Variants in SRGAP1 observed in about 807,000 individuals in gnomAD.
The protein encoded by SRGAP1 is SLIT-ROBO Rho GTPase-activating protein 1.
A neutral mutation model predicts 121.9 loss-of-function variants in SRGAP1; 43 were observed. The observed-to-expected ratio is 0.35, with a 90% CI of 0.28 to 0.46. The LOEUF (loss-of-function observed/expected upper bound fraction) is 0.46. Among genes scored for constraint, SRGAP1 ranks in the 20% least tolerant of loss-of-function variants. The pLI is 1.00. For missense variants in SRGAP1, 1,102 were observed against 1,350.9 expected, an observed-to-expected ratio of 0.82 and a Z score of 2.89; for synonymous variants, 447 against 485.4, an observed-to-expected ratio of 0.92 and a Z score of 1.04.
chr12:64,105,349 T>C (rs2136607205), intron 15 of SRGAP1, among the ~76,000 whole-genome samples: 1 of 152,346 alleles, frequency 6.6e-6, no homozygotes, highest in South Asian at 2.1e-4. Flanking sequence ...TTGGTTATTA[T>C]GAATAATGCT....
chr12:64,090,507 A>G (rs889950218), intron 11 of SRGAP1, among the ~76,000 whole-genome samples: 26 of 152,296 alleles, frequency 1.7e-4, no homozygotes, highest in African/African-American at 6.3e-4. Context: ...AAATTCCATT[A>G]CTGCTGGAGG....
chr12:63,977,060 A>G (rs2136399363), intron 1 of SRGAP1, among the ~76,000 whole-genome samples: 1 of 152,124 alleles, frequency 6.6e-6, no homozygotes, highest in East Asian at 1.9e-4. Context: ...ACTTTTATGG[A>G]ATTTTTGCCT....
intron 1 of SRGAP1, among the ~76,000 whole-genome samples, chr12:63,923,109 T>C (rs2031128128): frequency 6.6e-6 from 1 of 152,226 alleles, no homozygotes; most frequent in Non-Finnish European, 1.5e-5. Flanking sequence ...TGGTGACCAA[T>C]CCATAAACTA....
chr12:64,119,085 A>G (rs935042584), intron 18 of SRGAP1, among the ~76,000 whole-genome samples: 3 of 152,182 alleles, frequency 2.0e-5, no homozygotes, highest in Non-Finnish European at 4.4e-5. Context: ...ATTTGGGGGT[A>G]TGGGATGAGG....
intron 6 of SRGAP1, among the ~76,000 whole-genome samples, chr12:64,051,273 A>T (rs138613423): frequency 2.0e-3 from 303 of 152,300 alleles, no homozygotes; most frequent in African/African-American, 7.0e-3. Flanking sequence ...ACCAACGGTG[A>T]TGCTAAAATT....
intron 1 of SRGAP1, among the ~76,000 whole-genome samples, chr12:63,943,925 A>T (rs2031952683): frequency 6.6e-6 from 1 of 152,228 alleles, no homozygotes; most frequent in Non-Finnish European, 1.5e-5. Flanking sequence ...AATGTATATT[A>T]AATTATAATT....
At chr12:64,031,350 C>A (rs1354850127) in intron 4 of SRGAP1, among the ~76,000 whole-genome samples, 1 of 150,848 alleles carries the variant, frequency 6.6e-6, no homozygotes. Context: ...CTGCCATCTA[C>A]CCTGACACTG....
At position 64,142,431 on chromosome 12, in the gene SRGAP1, C is replaced by T. The variant is rs549866334; in HGVS notation, c.3017C>T (p.Thr1006Met). ...VKNSPTPATS[T>M]ESLSPLHNVA... ...AACTCTCCCACCCCTGCCACTTCCA[C>T]GGAATCTCTCAGCCCTTTGCACAAC... The change falls in exon 22 of 22, where the codon ACG (threonine) becomes ATG (methionine). Residue 1006 changes from threonine (T) to methionine (M), a missense_variant. By Grantham distance (81) the Thr-to-Met change is moderately conservative. Around this residue, in one of 3 missense-constraint regions of SRGAP1, gnomAD observed 315 missense variants for 343.1 expected, o/e 0.92. Coordinates refer to ENST00000355086, the MANE Select transcript of SRGAP1 (RefSeq NM_020762.4). 46 of 1,614,192 alleles carry T rather than the reference C, an allele frequency of 2.8e-5. No homozygotes were observed. The highest frequency in any genetic ancestry group is 9.3e-5 in the African/African-American group (7 of 75,060).
rs1428390409 is a variant in SRGAP1 at position 64,154,809 on chromosome 12, A to T, written c.*12137A>T. The T allele has an allele frequency of 6.6e-6, 1 of 152,076 alleles. No homozygotes were observed. The highest frequency in any genetic ancestry group is 1.5e-5 in the Non-Finnish European group (1 of 68,038). 9.4% of individuals were successfully genotyped at this position (152,076 alleles called of 1,614,324 possible). On this transcript the variant is annotated 3_prime_UTR_variant, in exon 22 of 22. Transcript: ENST00000355086. ...CTCCCGGAAAGAGAAAGAGAAAGGA[A>T]GGTACAGAGCACATAACCAAGCCCT...
At chr12:63,943,279 A>T (rs1389147300) in intron 1 of SRGAP1, among the ~76,000 whole-genome samples, 2 of 152,236 alleles carry the variant, frequency 1.3e-5, no homozygotes, top group African/African-American at 2.4e-5. Context: ...CTGTGCCAGG[A>T]GCTGATCATA....
chr12:63,956,988 T>TCCTCA (rs2136374143), intron 1 of SRGAP1, among the ~76,000 whole-genome samples: 1 of 152,342 alleles, frequency 6.6e-6, no homozygotes, highest in South Asian at 2.1e-4. Context: ...TTTATGTCTG[T>TCCTCA]CCTCATTCAT....
In SRGAP1 at chr12:64,017,120, C is replaced by T. The variant is rs1022714486; in HGVS notation, c.489+108C>T. The stretch of plus-strand genomic sequence containing the variant: ...TTCCAAGCCAGAGTGACAATGGATC[C>T]TCATCTGCTTGAAATACAGGAACAA... On this transcript the variant is annotated intron_variant, in intron 4 of 21. Transcript: ENST00000355086. 6.2e-6 allele frequency: 4 copies of T among 649,508 alleles called. No homozygotes were observed. The Admixed American group carries it at 8.3e-5, about 13-fold the overall frequency. The allele number at this position is 649,508 out of a possible 1,614,324, so 40.2% of individuals were successfully genotyped here.
chr12:64,106,191 C>CT, intron 15 of SRGAP1, among the ~76,000 whole-genome samples: 1 of 152,232 alleles, frequency 6.6e-6, no homozygotes, highest in Non-Finnish European at 1.5e-5. Flanking sequence ...GGAAACTTCA[C>CT]TTTTGAAACA....
chr12:63,856,804 ATTAG>A (rs1180674719), intron 1 of SRGAP1, among the ~76,000 whole-genome samples: 2 of 152,176 alleles, frequency 1.3e-5, no homozygotes, highest in African/African-American at 4.8e-5. Flanking sequence ...AAATTTTAGA[ATTAG>A]TTGGCCTTCC....
intron 3 of SRGAP1, among the ~76,000 whole-genome samples, chr12:64,016,179 C>G (rs1015530303): frequency 6.6e-6 from 1 of 152,118 alleles, no homozygotes; most frequent in Non-Finnish European, 1.5e-5. Flanking sequence ...GGCTCAGTGG[C>G]TTACATCTAT....
chr12:63,945,255 GTCTT>G (rs888162517), intron 1 of SRGAP1, among the ~76,000 whole-genome samples: 6 of 150,660 alleles, frequency 4.0e-5, no homozygotes, highest in African/African-American at 1.5e-4. Flanking sequence ...TTCCTCTTTT[GTCTT>G]TCTGTTTGTT....
intron 15 of SRGAP1, among the ~76,000 whole-genome samples, chr12:64,099,353 A>G (rs1306485647): frequency 2.6e-5 from 4 of 152,182 alleles, no homozygotes; most frequent in African/African-American, 9.7e-5. Context: ...AGGCTTGTGG[A>G]GTAGTTTTGC....
chr12:63,973,143 G>C (rs1006763952), intron 1 of SRGAP1, among the ~76,000 whole-genome samples: 1 of 152,094 alleles, frequency 6.6e-6, no homozygotes, highest in Admixed American at 6.6e-5. Flanking sequence ...GTGAGGCTCC[G>C]TCTCAAAAGA....
At chr12:64,073,954 G>A (rs2035689642) in intron 8 of SRGAP1, among the ~76,000 whole-genome samples, 1 of 152,034 alleles carries the variant, frequency 6.6e-6, no homozygotes, top group Non-Finnish European at 1.5e-5. Context: ...ACATATCAGA[G>A]CACCTTATTG....
Sources: allele counts gnomAD v4.1 joint callset (sites outside exome capture counted in the v4.1 genomes callset), GRCh38; gene constraint gnomAD v4.1.1; regional missense constraint gnomAD v4.1.1; transcripts MANE v1.5; gene names NCBI Gene and HGNC (gene_info 2026-07-23, HGNC 2026-07-21).